The following TNPO3 variants were observed in gnomAD, a reference collection of about 807,000 sequenced individuals.
TNPO3 encodes the protein transportin-3.
Under a neutral mutation model 122.8 loss-of-function variants are expected in TNPO3, and 65 were observed. That is an observed-to-expected ratio of 0.53 (90% CI 0.43 to 0.65). TNPO3 has a LOEUF of 0.65. Ranked by LOEUF, TNPO3 falls within the 30% of genes least tolerant of loss-of-function variation. The probability of loss-of-function intolerance (pLI) is 0.00; values close to 1 mark genes in which losing one functional copy is unlikely to be tolerated. For missense variants in TNPO3, 850 were observed against 1,136.7 expected, an observed-to-expected ratio of 0.75 and a Z score of 3.63; for synonymous variants, 372 against 411.2, an observed-to-expected ratio of 0.90 and a Z score of 1.15.
At chr7:128,982,414 TCTG>T (rs1799720011) in intron 13 of TNPO3, 90 bp from the exon 14 acceptor site, 1 of 1,131,960 alleles carries the variant, frequency 8.8e-7, no homozygotes, top group Non-Finnish European at 1.3e-6. Flanking sequence ...TGTCTCAATC[TCTG>T]CTTATTTCCT....
intron 17 of TNPO3, among the ~76,000 whole-genome samples, 169 bp from the exon 18 acceptor site, chr7:128,975,131 TC>T (rs1028966628): frequency 7.2e-5 from 11 of 152,248 alleles, no homozygotes; most frequent in African/African-American, 2.6e-4. Flanking sequence ...AACACATAAA[TC>T]CTTCCCAGTT....
At chr7:129,041,632 CT>C (rs1807390500) in intron 1 of TNPO3, 1 of 985,376 alleles carries the variant, frequency 1.0e-6, no homozygotes, top group Admixed American at 6.1e-5. Flanking sequence ...CTCCACATTT[CT>C]GAAAGGACCA....
At chr7:129,035,965 T>C (rs1169149306) in intron 1 of TNPO3, among the ~76,000 whole-genome samples, 1 of 147,998 alleles carries the variant, frequency 6.8e-6, no homozygotes, top group African/African-American at 2.5e-5. Context: ...TTTTTTTTTT[T>C]TTTTTTGAGA....
intron 16 of TNPO3, 35 bp from the exon 17 acceptor site, chr7:128,975,970 G>A (rs758072396): frequency 1.2e-5 from 18 of 1,464,584 alleles, no homozygotes; most frequent in South Asian, 2.3e-5. Context: ...TCAATGCTTC[G>A]TCCTTCAAAA....
At chr7:128,973,982 T>A (rs1358752891) in intron 18 of TNPO3, among the ~76,000 whole-genome samples, 2 of 151,768 alleles carry the variant, frequency 1.3e-5, no homozygotes, top group African/African-American at 4.8e-5. Context: ...GAGACCAGCC[T>A]GATCAACATG....
intron 11 of TNPO3, among the ~76,000 whole-genome samples, chr7:128,987,169 C>T (rs1036785523): frequency 1.3e-5 from 2 of 152,188 alleles, no homozygotes; most frequent in African/African-American, 2.4e-5. Context: ...TCAACGTTAA[C>T]TCCCAGGGAT....
intron 14 of TNPO3, among the ~76,000 whole-genome samples, chr7:128,980,757 G>A (rs1799548448): frequency 6.6e-6 from 1 of 152,120 alleles, no homozygotes; most frequent in African/African-American, 2.4e-5. Flanking sequence ...TGAATATGTA[G>A]TTTCTTCCTA....
intron 18 of TNPO3, among the ~76,000 whole-genome samples, chr7:128,974,204 A>C (rs1180904356): frequency 7.9e-5 from 12 of 151,886 alleles, no homozygotes; most frequent in Admixed American, 7.9e-4. Context: ...AATCAATCCT[A>C]AGATGAAACA....
intron 8 of TNPO3, among the ~76,000 whole-genome samples, chr7:128,995,585 C>T (rs929125504): frequency 6.6e-6 from 1 of 152,156 alleles, no homozygotes; most frequent in Non-Finnish European, 1.5e-5. Flanking sequence ...GGAAATGGTG[C>T]CACAGAATTA....
chr7:128,985,511 A>G (rs1800050207), intron 12 of TNPO3, among the ~76,000 whole-genome samples: 1 of 152,338 alleles, frequency 6.6e-6, no homozygotes, highest in Admixed American at 6.5e-5. Context: ...CACGAGGGTC[A>G]CTTGAGTCTA....
chr7:129,008,019 C>T (rs1233587290), intron 4 of TNPO3, among the ~76,000 whole-genome samples: 1 of 151,754 alleles, frequency 6.6e-6, no homozygotes, highest in East Asian at 1.9e-4. Context: ...TGTGGTGGCA[C>T]GCACCTGTAA....
intron 10 of TNPO3, among the ~76,000 whole-genome samples, chr7:128,991,431 T>A (rs1318931190): frequency 6.6e-6 from 1 of 152,180 alleles, no homozygotes; most frequent in African/African-American, 2.4e-5. Context: ...CAAAGTAAAT[T>A]TTGTCTCTAG....
Position 128,970,207 on chromosome 7 carries a change from G to A in TNPO3, c.2539C>T (p.Pro847Ser). 1.2e-6 allele frequency: 2 copies of A among 1,614,196 alleles called. No homozygotes were observed. Among genetic ancestry groups the A allele is most frequent in the South Asian group, 1.1e-5 (1 of 91,084 alleles). The change falls in exon 20 of 23, where the codon CCC becomes TCC. Residue 847 changes from proline to serine, a missense_variant. Physicochemically the swap from Pro to Ser is moderately conservative, Grantham distance 74 (BLOSUM62 -1). Transcript: ENST00000265388. ...TCAGCCACATCTGGTAGGGTATAGG[G>A]GGGGAGGCAAAAGCAGCAGGTGTGC... ...LLHTCCFCLP[P>S]YTLPDVAEVL...
At position 129,041,306 on chromosome 7, in the gene TNPO3, G is replaced by A. The variant is rs567730956; in HGVS notation, c.120+13345C>T. Among the ~76,000 whole-genome samples the A allele has an allele frequency of 3.9e-5, 6 of 152,306 alleles. No homozygotes were observed. The South Asian group carries it at 8.3e-4, about 21-fold the overall frequency. On this transcript the variant is annotated intron_variant, in intron 1 of 22. Coordinates refer to ENST00000265388, the MANE Select transcript of TNPO3 (RefSeq NM_012470.4). ...GAGCCCAGTAGCTGGAGGCAGCAGC[G>A]AGCTACGATCACACCACTGCCCTCC...
At chr7:129,053,715 AT>A (rs1181913531) in intron 1 of TNPO3, among the ~76,000 whole-genome samples, 1 of 152,146 alleles carries the variant, frequency 6.6e-6, no homozygotes, top group East Asian at 1.9e-4. Flanking sequence ...AAAGGTGAGT[AT>A]TTTGTCAGCC....
rs1410721507 is a variant in TNPO3 at position 128,989,971 on chromosome 7, A to G, written c.1488T>C (p.Pro496=). 1.2e-6 allele frequency: 2 copies of G among 1,613,970 alleles called. No homozygotes were observed. The highest frequency in any genetic ancestry group is 1.7e-6 in the Non-Finnish European group (2 of 1,179,914). Residue 496 remains proline, a synonymous_variant, in exon 11 of 23, where the codon CCT becomes CCC. Transcript: ENST00000265388. ...GEMSEVVDRN[P]QFLDPVLGYL... ...AGAGATTACACATACCAAGGAACTG[A>G]GGATTTCGATCAACGACTTCACTCA...
intron 8 of TNPO3, among the ~76,000 whole-genome samples, chr7:128,996,022 C>CG (rs988543021): frequency 2.0e-5 from 3 of 152,086 alleles, no homozygotes; most frequent in African/African-American, 7.2e-5. Context: ...TAAAAAATAG[C>CG]GGGGGTGGGT....
At chr7:129,026,286 G>T (rs1403917045) in intron 1 of TNPO3, among the ~76,000 whole-genome samples, 2 of 151,876 alleles carry the variant, frequency 1.3e-5, no homozygotes, top group African/African-American at 2.4e-5. Flanking sequence ...ACAATTACTT[G>T]CCCCCAGGCA....
intron 3 of TNPO3, 40 bp from the exon 4 acceptor site, chr7:129,015,175 G>T: frequency 4.4e-6 from 7 of 1,588,358 alleles, no homozygotes; most frequent in Non-Finnish European, 6.0e-6. Flanking sequence ...TTTATAGCCA[G>T]AAAATACACA....
Sources: gnomAD v4.1 joint callset for allele counts (sites outside exome capture counted in the v4.1 genomes callset) on GRCh38, gnomAD v4.1.1 for gene constraint, MANE v1.5 for transcripts, NCBI Gene and HGNC (gene_info 2026-07-23, HGNC 2026-07-21) for gene names.